TRIM49C: variants seen among roughly 807,000 people sequenced by gnomAD.
TRIM49C encodes tripartite motif-containing protein 49C.
TRIM49C carries 6 observed loss-of-function variants against 21.4 expected under a neutral mutation model. The ratio of observed to expected loss-of-function variants is 0.28; its 90% CI spans 0.15 to 0.55. The LOEUF is 0.55. Among genes scored for constraint, TRIM49C ranks in the 20% least tolerant of loss-of-function variants. TRIM49C has a pLI of 0.94. For synonymous variants in TRIM49C, 57 were observed against 148.1 expected (o/e 0.38, Z 4.47); for missense variants, 161 against 442.4 (o/e 0.36, Z 5.71).
At chr11:90,054,943 G>T in the TRIM49C span, among the ~76,000 whole-genome samples, 1 of 148,658 alleles carries the variant, frequency 6.7e-6, no homozygotes, top group Non-Finnish European at 1.5e-5. Context: ...TTGAAAACTA[G>T]GAACAAATAA....
chr11:90,043,530 G>A (rs1326589589), downstream of TRIM49C, among the ~76,000 whole-genome samples: 13 of 120,670 alleles, frequency 1.1e-4, no homozygotes, highest in African/African-American at 3.7e-4. Flanking sequence ...AACTGAGAAA[G>A]CTGGGATAGC....
downstream of TRIM49C, among the ~76,000 whole-genome samples, chr11:90,046,482 T>A (rs1173700768): frequency 3.2e-5 from 4 of 125,104 alleles, 1 homozygote; most frequent in East Asian, 5.0e-4. Flanking sequence ...ATTCAGGGAT[T>A]CAACTTCTTC....
intron 2 of TRIM49C, among the ~76,000 whole-genome samples, chr11:90,034,634 G>T (rs1213905133): frequency 8.0e-6 from 1 of 124,568 alleles, no homozygotes; most frequent in Non-Finnish European, 1.6e-5. Context: ...TTTGATTTGG[G>T]TCTTTGTTTT....
chr11:90,045,928 G>C (rs1217433300), downstream of TRIM49C, among the ~76,000 whole-genome samples: 2 of 119,962 alleles, frequency 1.7e-5, no homozygotes, highest in East Asian at 5.1e-4. Flanking sequence ...GTCATAAATA[G>C]CTCTTATTAT....
At position 90,031,349 on chromosome 11, in the gene TRIM49C, T is replaced by G. The variant is rs1311027621; in HGVS notation, c.-191+105T>G. ...TGAACCTGGACAGACCTGGGTCTGA[T>G]AGATTTGTCTTCACTGTTTTGACAG... On this transcript the variant is annotated intron_variant, in intron 1 of 7. Transcript: ENST00000448984. The G allele has an allele frequency of 2.4e-4, 34 of 141,556 alleles. 1 individual carries two copies. Among genetic ancestry groups the G allele is most frequent in the African/African-American group, 8.2e-4 (32 of 39,098 alleles). 8.8% of individuals were successfully genotyped at this position (141,556 alleles called of 1,614,324 possible).
chr11:90,069,013 C>T, the TRIM49C span, among the ~76,000 whole-genome samples: 74 of 125,932 alleles, frequency 5.9e-4, 5 homozygotes, highest in Middle Eastern at 3.8e-3. Context: ...GATAGAGTGA[C>T]GCATTGTGAT....
At position 90,034,462 on chromosome 11, in the gene TRIM49C, CA is replaced by C. The variant is rs1468794149; in HGVS notation, c.-4-745del. On this transcript the variant is annotated intron_variant, in intron 2 of 7. Coordinates refer to ENST00000448984, the MANE Select transcript of TRIM49C (RefSeq NM_001195234.1). ...AACAAAAACCTCCTATATGTTAGTTCAGAGCTTGCACAGCCCTAGGGGAAGT... is the reference window on the plus strand; with the variant it reads ...AACAAAAACCTCCTATATGTTAGTTCGAGCTTGCACAGCCCTAGGGGAAGT... 2.5e-5 allele frequency among the ~76,000 whole-genome samples: 3 copies of C among 119,382 alleles called. 1 individual carries two copies. Among genetic ancestry groups the C allele is most frequent in the East Asian group, 4.9e-4 (2 of 4,058 alleles). 78.3% of individuals were successfully genotyped at this position (119,382 alleles called of 152,430 possible).
chr11:90,056,953 G>C, the TRIM49C span, among the ~76,000 whole-genome samples: 1 of 149,140 alleles, frequency 6.7e-6, no homozygotes, highest in East Asian at 1.9e-4. Flanking sequence ...ACTTAACTTG[G>C]TCAGACTTAG....
Position 90,036,852 on chromosome 11 carries a change from G to C in TRIM49C, c.507+869G>C, listed in dbSNP as rs574242440. The stretch of plus-strand genomic sequence containing the variant: ...ATGTATTTGAGTGTGGTAGGTTTTT[G>C]TTGGAGAATAATCAAGCAGGGAAGT... On this transcript the variant is annotated intron_variant, in intron 4 of 7. Transcript: ENST00000448984. Among the ~76,000 whole-genome samples, 24 of 137,924 alleles carry C rather than the reference G, an allele frequency of 1.7e-4. 1 individual carries two copies. The highest frequency in any genetic ancestry group is 5.7e-4 in the African/African-American group (22 of 38,858). 90.5% of individuals were successfully genotyped at this position (137,924 alleles called of 152,430 possible). A position where few individuals can be genotyped will look rare whatever the true frequency, so the allele number is the denominator to read the frequency against.
chr11:90,052,078 C>G, the TRIM49C span: 2 of 552,904 alleles, frequency 3.6e-6, no homozygotes, highest in South Asian at 2.4e-5. Context: ...CAAGCTGCTC[C>G]GCCGCAGGCG....
At chr11:90,055,651 T>C in the TRIM49C span, among the ~76,000 whole-genome samples, 2 of 149,720 alleles carry the variant, frequency 1.3e-5, 1 homozygote, top group Non-Finnish European at 3.0e-5. Flanking sequence ...AAATGCATTG[T>C]GAAAAACACC....
At chr11:90,069,497 G>A in the TRIM49C span, among the ~76,000 whole-genome samples, 1 of 132,200 alleles carries the variant, frequency 7.6e-6, no homozygotes, top group East Asian at 2.3e-4. Flanking sequence ...GGCTAGAAAC[G>A]AAGGTGCGTG....
chr11:90,054,807 G>C, the TRIM49C span, among the ~76,000 whole-genome samples: 16 of 138,328 alleles, frequency 1.2e-4, no homozygotes, highest in African/African-American at 4.0e-4. Context: ...ATGGTAAATA[G>C]ACACAAAAAC....
chr11:90,038,466 C>T lies in TRIM49C; in HGVS notation c.739-227C>T, dbSNP rs1345072820. On this transcript the variant is annotated intron_variant, in intron 5 of 7. Coordinates refer to ENST00000448984, the MANE Select transcript of TRIM49C (RefSeq NM_001195234.1). Reference sequence around the variant, plus strand: ...AGACCTTCTGGGCCTCTTCTCCCTTCACTTCTTTAGAGAATGTCTTCAAGA... The same window carrying T: ...AGACCTTCTGGGCCTCTTCTCCCTTTACTTCTTTAGAGAATGTCTTCAAGA... Among the ~76,000 whole-genome samples the T allele has an allele frequency of 1.6e-5, 2 of 128,806 alleles. 1 individual carries two copies. The highest frequency in any genetic ancestry group is 3.3e-5 in the Non-Finnish European group (2 of 60,312). 84.5% of individuals were successfully genotyped at this position (128,806 alleles called of 152,430 possible). A position where few individuals can be genotyped will look rare whatever the true frequency, so the allele number is the denominator to read the frequency against.
the TRIM49C span, among the ~76,000 whole-genome samples, chr11:90,067,303 A>C: frequency 5.7e-4 from 79 of 138,158 alleles, 1 homozygote; most frequent in South Asian, 1.2e-3. Context: ...AACAATAGCA[A>C]AAGGGTTCCA....
chr11:90,046,990 A>G (rs1191136740), downstream of TRIM49C, among the ~76,000 whole-genome samples: 1 of 124,428 alleles, frequency 8.0e-6, no homozygotes, highest in Admixed American at 9.2e-5. Flanking sequence ...TTGGTTTCAA[A>G]GAACATCTTT....
Position 90,033,348 on chromosome 11 carries a change from C to T in TRIM49C, c.-5+766C>T, listed in dbSNP as rs535556243. On this transcript the variant is annotated intron_variant, in intron 2 of 7. Transcript: ENST00000448984. The stretch of plus-strand genomic sequence containing the variant: ...ATTAGTCAGGGTTCTCCAGACAGAA[C>T]CATAGGATGTATACATATATGTGTG... Among the ~76,000 whole-genome samples, 3 of 133,400 alleles carry T rather than the reference C, an allele frequency of 2.2e-5. 1 individual carries two copies. The South Asian group carries it at 7.9e-4, about 35-fold the overall frequency. The allele number at this position is 133,400 out of a possible 152,430, so 87.5% of individuals were successfully genotyped here. A position where few individuals can be genotyped will look rare whatever the true frequency, so the allele number is the denominator to read the frequency against.
At position 90,035,387 on chromosome 11, in the gene TRIM49C, C is replaced by A. The variant is rs1471284543; in HGVS notation, c.176C>A (p.Thr59Lys). 6.1e-6 allele frequency: 9 copies of A among 1,486,002 alleles called. 2 individuals carry two copies. The East Asian group carries it at 2.2e-4, about 37-fold the overall frequency. 92.1% of individuals were successfully genotyped at this position (1,486,002 alleles called of 1,614,324 possible). A position where few individuals can be genotyped will look rare whatever the true frequency, so the allele number is the denominator to read the frequency against. ...CAGTGCTCTGAATGCACAAAGTCAA[C>A]AGAGCAGATAAACCTCAAAACCAAC... ...LVQCSECTKS[T>K]EQINLKTNIH... The change falls in exon 3 of 8, where the codon ACA becomes AAA. Residue 59 changes from threonine to lysine, a missense_variant. Physicochemically the swap from Thr to Lys is moderately conservative, Grantham distance 78 (BLOSUM62 -1). Around this residue, in one of 3 missense-constraint regions of TRIM49C, gnomAD observed 80 missense variants for 314.8 expected, o/e 0.25. Transcript: ENST00000448984.
chr11:90,043,781 A>AT (rs1232320849), downstream of TRIM49C, among the ~76,000 whole-genome samples: 1,415 of 113,790 alleles, frequency 0.012, 147 homozygotes, highest in African/African-American at 0.025. Context: ...GGAAAGTTTG[A>AT]TTTTTTTTTA....
Sources: allele counts gnomAD v4.1 joint callset (sites outside exome capture counted in the v4.1 genomes callset), GRCh38; gene constraint gnomAD v4.1.1; regional missense constraint gnomAD v4.1.1; transcripts MANE v1.5; gene names NCBI Gene and HGNC (gene_info 2026-07-23, HGNC 2026-07-21).